Variants in NIPSNAP1 observed in about 807,000 individuals in gnomAD.
NIPSNAP1 encodes the protein protein NipSnap homolog 1.
Under a neutral mutation model 49.2 loss-of-function variants are expected in NIPSNAP1, and 25 were observed. That is an observed-to-expected ratio of 0.51 (90% CI 0.37 to 0.71). NIPSNAP1 has a LOEUF of 0.71. Among genes scored for constraint, NIPSNAP1 ranks in the 30% least tolerant of loss-of-function variants. NIPSNAP1 has a pLI of 0.00. For synonymous variants in NIPSNAP1, 143 were observed against 140.7 expected (o/e 1.02, Z -0.12); for missense variants, 294 against 361.0 (o/e 0.81, Z 1.50).
intron 1 of NIPSNAP1, among the ~76,000 whole-genome samples, chr22:29,575,685 G>A (rs112882178): frequency 2.0e-5 from 3 of 151,596 alleles, no homozygotes; most frequent in African/African-American, 4.8e-5. Context: ...ACGCAAGAGG[G>A]AAGGATTGCT....
chr22:29,567,992 A>G (rs1406800206), intron 4 of NIPSNAP1, among the ~76,000 whole-genome samples: 2 of 151,848 alleles, frequency 1.3e-5, no homozygotes, highest in East Asian at 3.9e-4. Flanking sequence ...AGCCTGGGCA[A>G]CATGGAGAAA....
At chr22:29,579,542 G>A (rs1326740466) in intron 1 of NIPSNAP1, among the ~76,000 whole-genome samples, 3 of 151,912 alleles carry the variant, frequency 2.0e-5, no homozygotes, top group Non-Finnish European at 2.9e-5. Flanking sequence ...GTGATCCACC[G>A]CCTCGGCCTC....
At chr22:29,575,503 T>C (rs1447862269) in intron 1 of NIPSNAP1, among the ~76,000 whole-genome samples, 2 of 152,152 alleles carry the variant, frequency 1.3e-5, no homozygotes, top group African/African-American at 4.8e-5. Flanking sequence ...CAAGGGTACA[T>C]CTGCAAGAGT....
rs1169055423 is a variant in NIPSNAP1 at position 29,580,990 on chromosome 22, C to T, written c.93G>A (p.Ala31=). Residue 31 remains alanine, a synonymous_variant, in exon 1 of 10, where the codon GCG becomes GCA. Transcript: ENST00000216121. ...CTGCCTGGCCGGGCTCTCACCGCGC[C>T]GCAGCTGCAGACGCAACGTCCCCAG... ...PRAGDVASAA[A]ARFYSKDNEG... 3.3e-6 allele frequency: 5 copies of T among 1,531,090 alleles called. No individual in the cohort carries two copies. The highest frequency in any genetic ancestry group is 2.3e-4 in the Middle Eastern group (1 of 4,418). The allele number at this position is 1,531,090 out of a possible 1,614,324, so 94.8% of individuals were successfully genotyped here.
intron 4 of NIPSNAP1, among the ~76,000 whole-genome samples, chr22:29,565,223 A>C (rs750099441): frequency 2.0e-5 from 3 of 151,440 alleles, no homozygotes; most frequent in Admixed American, 6.6e-5. Context: ...AATAAAAAGA[A>C]GAAAAAGGCC....
In NIPSNAP1 at chr22:29,581,076, G is replaced by A. The variant is rs2064495260; in HGVS notation, c.7C>T (p.Pro3Ser). 4.5e-6 allele frequency: 7 copies of A among 1,541,606 alleles called. No individual in the cohort carries two copies. Among genetic ancestry groups the A allele is most frequent in the East Asian group, 2.5e-5 (1 of 40,804 alleles). The change falls in exon 1 of 10, where the codon CCG (proline) becomes TCG (serine). Residue 3 changes from proline to serine, a missense_variant. Physicochemically the swap from Pro to Ser is moderately conservative, Grantham distance 74. Transcript: ENST00000216121. MA[P>S]RLCSISVTAR... ...GTCACAGAGATGCTGCACAGCCGCGGAGCCATGTTGGAGCCGCAAAGGTTG... is the reference window on the plus strand; with the variant it reads ...GTCACAGAGATGCTGCACAGCCGCGAAGCCATGTTGGAGCCGCAAAGGTTG...
intron 8 of NIPSNAP1, among the ~76,000 whole-genome samples, chr22:29,559,542 A>T (rs2146601491): frequency 6.9e-6 from 1 of 145,960 alleles, no homozygotes; most frequent in East Asian, 2.0e-4. Flanking sequence ...GTCTCAAAGA[A>T]AAAAAAAAAA....
chr22:29,561,507 T>G lies in NIPSNAP1; in HGVS notation c.578A>C (p.Lys193Thr). The G allele has an allele frequency of 6.2e-7, 1 of 1,614,062 alleles. No homozygotes were observed. Among genetic ancestry groups the G allele is most frequent in the South Asian group, 1.1e-5 (1 of 91,082 alleles). Reference sequence around the variant, plus strand: ...AGGGGGTCTGTCGGAGGGAGGCACCTTGAGCTTGTATGTCCTCAGCTCATA... The same window carrying G: ...AGGGGGTCTGTCGGAGGGAGGCACCGTGAGCTTGTATGTCCTCAGCTCATA... ...NIYELRTYKL[K>T]PGTMIEWGNN... The change falls in exon 6 of 10, where the codon AAG becomes ACG. Residue 193 changes from lysine (K) to threonine (T), a missense_variant and splice_region_variant. Physicochemically the swap from Lys to Thr is moderately conservative, Grantham distance 78. Around this residue, in one of 4 missense-constraint regions of NIPSNAP1, gnomAD observed 146 missense variants for 219.9 expected, o/e 0.66. Coordinates refer to ENST00000216121, the MANE Select transcript of NIPSNAP1 (RefSeq NM_003634.4).
chr22:29,572,473 G>A (rs934975878), intron 1 of NIPSNAP1, among the ~76,000 whole-genome samples: 5 of 151,746 alleles, frequency 3.3e-5, no homozygotes, highest in African/African-American at 1.2e-4. Context: ...TTGAGCCCAG[G>A]AGTTCAAGAT....
intron 4 of NIPSNAP1, among the ~76,000 whole-genome samples, chr22:29,568,792 T>C (rs1186602186): frequency 6.6e-6 from 1 of 151,134 alleles, no homozygotes; most frequent in African/African-American, 2.4e-5. Context: ...AAACTCAGTC[T>C]CGGAAAAAAA....
At chr22:29,571,103 G>A (rs1484425795) in intron 1 of NIPSNAP1, among the ~76,000 whole-genome samples, 1 of 152,106 alleles carries the variant, frequency 6.6e-6, no homozygotes, top group Non-Finnish European at 1.5e-5. Context: ...CTTGGCCCAT[G>A]TCCCCACCCT....
At chr22:29,573,628 C>T (rs181950030) in intron 1 of NIPSNAP1, among the ~76,000 whole-genome samples, 115 of 152,002 alleles carry the variant, frequency 7.6e-4, no homozygotes, top group African/African-American at 2.7e-3. Flanking sequence ...ATTAGCCAGG[C>T]GTGGTGGTGC....
chr22:29,569,435 A>C, intron 3 of NIPSNAP1, 148 bp from the exon 4 acceptor site: 1 of 689,886 alleles, frequency 1.4e-6, no homozygotes, highest in South Asian at 1.5e-5. Flanking sequence ...GGCCCTCAGG[A>C]CTTCCGACAC....
intron 1 of NIPSNAP1, among the ~76,000 whole-genome samples, chr22:29,577,377 G>A (rs1265102034): frequency 2.7e-5 from 4 of 148,216 alleles, no homozygotes; most frequent in Admixed American, 6.7e-5. Flanking sequence ...CTCAGCCTCC[G>A]GAGTAGTTGG....
Position 29,571,828 on chromosome 22 carries a change from T to A in NIPSNAP1, c.99-1296A>T, listed in dbSNP as rs188177479. On this transcript the variant is annotated intron_variant, in intron 1 of 9. Coordinates refer to ENST00000216121, the MANE Select transcript of NIPSNAP1 (RefSeq NM_003634.4). ...CTTGCTCTTGTTGCTCAGGCTGGAGTGCAGTGGTGCGATCTCGGCTCACTG... is the reference window on the plus strand; with the variant it reads ...CTTGCTCTTGTTGCTCAGGCTGGAGAGCAGTGGTGCGATCTCGGCTCACTG... 3.8e-3 allele frequency among the ~76,000 whole-genome samples: 574 copies of A among 152,080 alleles called. 17 individuals are homozygous for A. The highest frequency in any genetic ancestry group is 0.029 in the Admixed American group (435 of 15,222).
chr22:29,579,453 C>T (rs1353427497), intron 1 of NIPSNAP1, among the ~76,000 whole-genome samples: 8 of 151,808 alleles, frequency 5.3e-5, no homozygotes, highest in South Asian at 2.1e-4. Flanking sequence ...CCTGCCACCG[C>T]GCCCAGCTAA....
At chr22:29,574,289 A>AAAAAG (rs2064434492) in intron 1 of NIPSNAP1, among the ~76,000 whole-genome samples, 2 of 125,266 alleles carry the variant, frequency 1.6e-5, no homozygotes, top group African/African-American at 3.3e-5. Context: ...AAAAAAAAAA[A>AAAAAG]AAAGAAAGAA....
rs1326078590 is a variant in NIPSNAP1, at chr22:29,578,625, AG to A, written c.98+2359del. Among the ~76,000 whole-genome samples, 28 of 151,308 alleles carry A rather than the reference AG, an allele frequency of 1.9e-4. 1 individual carries two copies. Among genetic ancestry groups the A allele is most frequent in the African/African-American group, 4.9e-5 (2 of 40,624 alleles). On this transcript the variant is annotated intron_variant, in intron 1 of 9. Transcript: ENST00000216121. ...AGGGGCAGCAGGACAGAGTGTTCTC[AG>A]GTATCCAATGTGGAATTAAGGTATA...
rs772423722 is a variant in NIPSNAP1, at chr22:29,555,923, G to T, written c.*12C>A. The T allele has an allele frequency of 6.4e-7, 1 of 1,551,250 alleles. No individual in the cohort carries two copies. Among genetic ancestry groups the T allele is most frequent in the African/African-American group, 1.4e-5 (1 of 73,146 alleles). On this transcript the variant is annotated 3_prime_UTR_variant, in exon 10 of 10. Transcript: ENST00000216121. ...GAGGGAGAAGGGGAAGGAGGTGGAG[G>T]TGTAGGCAGCATCACTGCAGAGGCG...
Sources: gnomAD v4.1 joint callset for allele counts (sites outside exome capture counted in the v4.1 genomes callset) on GRCh38, gnomAD v4.1.1 for gene constraint, gnomAD v4.1.1 regional missense constraint, MANE v1.5 for transcripts, NCBI Gene and HGNC (gene_info 2026-07-23, HGNC 2026-07-21) for gene names.